Variants in MIPEP observed in about 807,000 individuals in gnomAD.
MIPEP encodes mitochondrial intermediate peptidase.
A neutral mutation model predicts 90.3 loss-of-function variants in MIPEP; 79 were observed. The ratio of observed to expected loss-of-function variants is 0.87; its 90% CI spans 0.73 to 1.05. The LOEUF (loss-of-function observed/expected upper bound fraction) is 1.05. Among genes scored for constraint, MIPEP ranks in the 50% least tolerant of loss-of-function variants. The pLI is 0.00. For synonymous variants in MIPEP, 334 were observed against 315.8 expected (o/e 1.06, Z -0.61); for missense variants, 940 against 905.6 (o/e 1.04, Z -0.49).
chr13:23,767,520 C>T (rs1040536864), intron 16 of MIPEP, among the ~76,000 whole-genome samples: 2 of 151,168 alleles, frequency 1.3e-5, no homozygotes, highest in Non-Finnish European at 2.9e-5. Flanking sequence ...GGCACGATCT[C>T]GGCTCACTGT....
intron 18 of MIPEP, among the ~76,000 whole-genome samples, chr13:23,743,690 T>C (rs1952355442): frequency 6.6e-6 from 1 of 152,258 alleles, no homozygotes; most frequent in Admixed American, 6.5e-5. Flanking sequence ...TTAATTTCAT[T>C]GTCAGATTTA....
In MIPEP at chr13:23,809,940, G is replaced by A; in HGVS notation, c.1654-16C>T. The A allele has an allele frequency of 6.4e-7, 1 of 1,566,760 alleles. No individual in the cohort carries two copies. Among genetic ancestry groups the A allele is most frequent in the Non-Finnish European group, 8.8e-7 (1 of 1,138,074 alleles). ...TTGGCAGTGGCTTGATAAAACAAAA[G>A]AATATATATGTGAGTAAACTGCGTA... On this transcript the variant is annotated splice_polypyrimidine_tract_variant and intron_variant, in intron 14 of 18. Coordinates refer to ENST00000382172, the MANE Select transcript of MIPEP (RefSeq NM_005932.4).
At chr13:23,730,733 T>TA (rs1311052449) in intron 18 of MIPEP, among the ~76,000 whole-genome samples, 1 of 152,214 alleles carries the variant, frequency 6.6e-6, no homozygotes, top group East Asian at 1.9e-4. Flanking sequence ...ACTATACCCT[T>TA]AGAGACTGAT....
At chr13:23,767,359 A>G (rs796963572) in intron 16 of MIPEP, among the ~76,000 whole-genome samples, 1 of 152,352 alleles carries the variant, frequency 6.6e-6, no homozygotes, top group South Asian at 2.1e-4. Flanking sequence ...TAGGTTAAAA[A>G]TACTATTTTG....
chr13:23,850,357 G>A, intron 10 of MIPEP, among the ~76,000 whole-genome samples: 1 of 152,146 alleles, frequency 6.6e-6, no homozygotes, highest in Non-Finnish European at 1.5e-5. Flanking sequence ...GAATGATACT[G>A]GAAACCTGTT....
intron 3 of MIPEP, 42 bp downstream of exon 3, chr13:23,881,657 C>T (rs754667161): frequency 1.3e-6 from 2 of 1,516,730 alleles, no homozygotes; most frequent in Non-Finnish European, 1.8e-6. Context: ...AACCGGATCA[C>T]CCAGGACTTG....
chr13:23,791,988 TCA>T (rs1952901921), intron 16 of MIPEP, among the ~76,000 whole-genome samples: 4 of 152,338 alleles, frequency 2.6e-5, no homozygotes, highest in African/African-American at 9.6e-5. Context: ...ATACAATCAC[TCA>T]CTCACTCTGC....
In MIPEP at chr13:23,837,669, G is replaced by A. The variant is rs371260706; in HGVS notation, c.1426C>T (p.Arg476Cys). The change falls in exon 13 of 19, where the codon CGT becomes TGT. Residue 476 changes from arginine (R) to cysteine (C), a missense_variant. By Grantham distance (180) the Arg-to-Cys change is radical. Transcript: ENST00000382172. ...PVVVLMLNLP[R>C]SSRSSPTLLT... ...AAAGTTGGAGAACTCCTTGAGGAACGGGGAAGATTCAGCATAAGAACTACA... is the reference window on the plus strand; with the variant it reads ...AAAGTTGGAGAACTCCTTGAGGAACAGGGAAGATTCAGCATAAGAACTACA... 9 of 1,613,830 alleles carry A rather than the reference G, an allele frequency of 5.6e-6. No homozygotes were observed. Among genetic ancestry groups the A allele is most frequent in the Admixed American group, 1.7e-5 (1 of 59,998 alleles).
At chr13:23,843,190 A>G (rs1869381090) in intron 10 of MIPEP, among the ~76,000 whole-genome samples, 1 of 152,034 alleles carries the variant, frequency 6.6e-6, no homozygotes. Flanking sequence ...AATTCTAGGC[A>G]GAAGCGACAG....
At chr13:23,769,609 G>A (rs962241211) in intron 16 of MIPEP, among the ~76,000 whole-genome samples, 2 of 152,136 alleles carry the variant, frequency 1.3e-5, no homozygotes, top group African/African-American at 4.8e-5. Context: ...GTGGGCAGAG[G>A]CTCCATTCCT....
intron 16 of MIPEP, among the ~76,000 whole-genome samples, chr13:23,763,986 A>G (rs118118056): frequency 0.014 from 2,178 of 152,324 alleles, 40 homozygotes; most frequent in Non-Finnish European, 0.016. Flanking sequence ...CATCTGGAAA[A>G]ATAAAATATA....
chr13:23,820,023 A>G (rs1038330644), intron 14 of MIPEP, among the ~76,000 whole-genome samples: 1 of 149,266 alleles, frequency 6.7e-6, no homozygotes, highest in Non-Finnish European at 1.5e-5. Flanking sequence ...AAAAAAAAAA[A>G]AGGAAAAAAA....
chr13:23,756,827 G>A, intron 17 of MIPEP: 1 of 565,190 alleles, frequency 1.8e-6, no homozygotes, highest in South Asian at 2.2e-5. Context: ...CATATTCCCT[G>A]TAAGAGGATA....
At chr13:23,788,375 C>T (rs1235377083) in intron 16 of MIPEP, among the ~76,000 whole-genome samples, 10 of 152,316 alleles carry the variant, frequency 6.6e-5, no homozygotes, top group Non-Finnish European at 1.2e-4. Context: ...TACAACATGT[C>T]ATCACAGGTC....
chr13:23,784,596 A>C (rs1380650791), intron 16 of MIPEP, among the ~76,000 whole-genome samples: 1 of 152,308 alleles, frequency 6.6e-6, no homozygotes, highest in East Asian at 1.9e-4. Flanking sequence ...TTCATGTCTA[A>C]AACACCAAAA....
chr13:23,848,106 T>C (rs1224527148), intron 10 of MIPEP, among the ~76,000 whole-genome samples: 1 of 152,202 alleles, frequency 6.6e-6, no homozygotes, highest in Non-Finnish European at 1.5e-5. Context: ...GCAAGTTACT[T>C]AGGTTTCTGA....
intron 4 of MIPEP, among the ~76,000 whole-genome samples, chr13:23,878,645 G>A (rs1871161731): frequency 6.6e-6 from 1 of 152,178 alleles, no homozygotes; most frequent in South Asian, 2.1e-4. Flanking sequence ...TTGCATTTGA[G>A]CAAAGAAATA....
At chr13:23,843,720 G>T (rs1038848016) in intron 10 of MIPEP, among the ~76,000 whole-genome samples, 15 of 152,288 alleles carry the variant, frequency 9.8e-5, no homozygotes, top group Admixed American at 9.2e-4. Flanking sequence ...CTGACAGGAG[G>T]ACAGACTTCC....
chr13:23,780,372 A>G lies in MIPEP; in HGVS notation c.1849-20155T>C, dbSNP rs181515226. The stretch of plus-strand genomic sequence containing the variant: ...CTGGAGTGGACCTCCAGCAAACTCC[A>G]ACAGACCTGCAGCTGAGGGTCCTGA... On this transcript the variant is annotated intron_variant, in intron 16 of 18. Transcript: ENST00000382172. Among the ~76,000 whole-genome samples the G allele has an allele frequency of 1.2e-3, 177 of 152,364 alleles. 1 individual carries two copies. The highest frequency in any genetic ancestry group is 4.1e-3 in the African/African-American group (171 of 41,592).
Sources: gnomAD v4.1 joint callset for allele counts (sites outside exome capture counted in the v4.1 genomes callset) on GRCh38, gnomAD v4.1.1 for gene constraint, MANE v1.5 for transcripts, NCBI Gene and HGNC (gene_info 2026-07-23, HGNC 2026-07-21) for gene names.